ECM2: variants seen among roughly 807,000 people sequenced by gnomAD.
ECM2 encodes extracellular matrix protein 2, female organ and adipocyte specific.
ECM2 carries 57 observed loss-of-function variants against 67.5 expected under a neutral mutation model. That is an observed-to-expected ratio of 0.84 (90% confidence interval 0.68 to 1.05). ECM2 has a LOEUF of 1.05. ECM2 is among the 50% of genes least tolerant of loss of function. The pLI is 0.00. For missense variants in ECM2, 741 were observed against 822.8 expected (o/e 0.90, Z 1.22); for synonymous variants, 258 against 294.5 (o/e 0.88, Z 1.27).
At chr9:92,528,719 G>A (rs1436374141) in intron 1 of ECM2, among the ~76,000 whole-genome samples, 1 of 152,082 alleles carries the variant, frequency 6.6e-6, no homozygotes. Flanking sequence ...GCTAAAGGCT[G>A]CTGTGATCCC....
At chr9:92,499,071 G>A (rs965968464) in intron 9 of ECM2, among the ~76,000 whole-genome samples, 16 of 152,188 alleles carry the variant, frequency 1.1e-4, no homozygotes, top group African/African-American at 3.6e-4. Context: ...GTCTGCAGTA[G>A]GTAATGCAGA....
chr9:92,535,849 G>A (rs1849137370), intron 1 of ECM2, 84 bp downstream of exon 1: 5 of 368,688 alleles, frequency 1.4e-5, no homozygotes, highest in South Asian at 1.1e-4. Flanking sequence ...TTACTCAAGA[G>A]TTAAACAGTT....
At chr9:92,502,695 T>C (rs1252885728) in intron 7 of ECM2, 43 bp from the exon 8 acceptor site, 1 of 1,454,142 alleles carries the variant, frequency 6.9e-7, no homozygotes, top group East Asian at 2.3e-5. Flanking sequence ...TTTGTGTTAG[T>C]TGATACGTTC....
At chr9:92,509,522 C>T (rs926362113) in intron 6 of ECM2, among the ~76,000 whole-genome samples, 5 of 152,170 alleles carry the variant, frequency 3.3e-5, no homozygotes, top group African/African-American at 7.2e-5. Flanking sequence ...ACAAACATGG[C>T]ACTGGTTAGT....
intron 2 of ECM2, among the ~76,000 whole-genome samples, chr9:92,519,389 A>ATCTCAC (rs1006237629): frequency 2.6e-4 from 40 of 152,296 alleles, no homozygotes; most frequent in African/African-American, 9.6e-4. Context: ...AAAGTTGGAG[A>ATCTCAC]TCTCACACTT....
At chr9:92,547,379 C>T in the ECM2 span, among the ~76,000 whole-genome samples, 2 of 152,174 alleles carry the variant, frequency 1.3e-5, no homozygotes, top group African/African-American at 4.8e-5. Flanking sequence ...CTATTCATAA[C>T]AGCTAAAATT....
chr9:92,548,103 A>G, the ECM2 span, among the ~76,000 whole-genome samples: 5 of 152,238 alleles, frequency 3.3e-5, no homozygotes, highest in East Asian at 9.6e-4. Context: ...ATATAAAAAT[A>G]AATAGTGGTT....
chr9:92,549,688 A>G, the ECM2 span, among the ~76,000 whole-genome samples: 3 of 151,864 alleles, frequency 2.0e-5, no homozygotes, highest in East Asian at 1.9e-4. Context: ...ATGACATTCT[A>G]TTGAGAATTT....
At chr9:92,541,100 A>T (rs1333431556), upstream of ECM2, among the ~76,000 whole-genome samples, 1 of 151,906 alleles carries the variant, frequency 6.6e-6, no homozygotes, top group Admixed American at 6.6e-5. Context: ...TCTCTACTAA[A>T]AAAACAAAAT....
the ECM2 span, among the ~76,000 whole-genome samples, chr9:92,558,634 G>A: frequency 6.6e-6 from 1 of 152,112 alleles, no homozygotes; most frequent in East Asian, 1.9e-4. Context: ...AAGAGGTGAT[G>A]CTTCCTGGAA....
At chr9:92,519,811 T>C (rs1847948951) in intron 2 of ECM2, among the ~76,000 whole-genome samples, 1 of 151,998 alleles carries the variant, frequency 6.6e-6, no homozygotes, top group African/African-American at 2.4e-5. Context: ...AAAGATAAAT[T>C]AGACTTTATC....
At chr9:92,513,622 T>G (rs1847498904) in intron 4 of ECM2, among the ~76,000 whole-genome samples, 1 of 152,192 alleles carries the variant, frequency 6.6e-6, no homozygotes, top group Non-Finnish European at 1.5e-5. Context: ...AGGAATGAAC[T>G]ACTGATACAC....
intron 2 of ECM2, 81 bp downstream of exon 2, chr9:92,522,494 T>C (rs1848135722): frequency 7.5e-7 from 1 of 1,327,434 alleles, no homozygotes; most frequent in Non-Finnish European, 1.0e-6. Context: ...GTTCTCCCTC[T>C]CTCCCTCTCT....
chr9:92,558,679 A>G, the ECM2 span, among the ~76,000 whole-genome samples: 6,063 of 152,270 alleles, frequency 0.04, 186 homozygotes, highest in South Asian at 0.099. Context: ...AGGGACCAGC[A>G]GTAGGCGGGG....
chr9:92,493,912 G>T, downstream of ECM2: 1 of 476,198 alleles, frequency 2.1e-6, no homozygotes, highest in Non-Finnish European at 3.7e-6. Flanking sequence ...CCCACAGTGC[G>T]TCTGCTCCAC....
chr9:92,542,265 T>C, the ECM2 span, among the ~76,000 whole-genome samples: 132 of 152,364 alleles, frequency 8.7e-4, no homozygotes, highest in African/African-American at 3.0e-3. Flanking sequence ...TTTCTTGCTA[T>C]CAAGTTCCTT....
upstream of ECM2, among the ~76,000 whole-genome samples, chr9:92,541,464 G>A (rs1355617338): frequency 3.3e-4 from 34 of 101,900 alleles, 1 homozygote; most frequent in Middle Eastern, 0.028. Context: ...TGGTTCAAGC[G>A]ATTCCCCTGC....
intron 1 of ECM2, among the ~76,000 whole-genome samples, chr9:92,526,614 G>T (rs1215102086): frequency 6.7e-6 from 1 of 150,086 alleles, no homozygotes; most frequent in Non-Finnish European, 1.5e-5. Flanking sequence ...TAGAAAAGAG[G>T]AATGAAATGA....
chr9:92,502,647 T>C lies in ECM2; in HGVS notation c.1470A>G (p.Leu490=). 1 of 1,563,044 alleles carries C rather than the reference T, an allele frequency of 6.4e-7. No individual in the cohort carries two copies. Residue 490 remains leucine (L), a synonymous_variant, in exon 8 of 10, where the codon TTA becomes TTG. Coordinates refer to ENST00000344604, the MANE Select transcript of ECM2 (RefSeq NM_001393.4). ...PQGLPGSIEE[L]YLENNQIEEI... is the part of the protein sequence containing the mutation. ...CTTCAATTTGGTTATTTTCTAGGTA[T>C]AATTCCTATAATTAAGAGAGAAGAC...
Sources: allele counts gnomAD v4.1 joint callset (sites outside exome capture counted in the v4.1 genomes callset), GRCh38; gene constraint gnomAD v4.1.1; transcripts MANE v1.5; gene names NCBI Gene and HGNC (gene_info 2026-07-23, HGNC 2026-07-21).